NCKAP5: variants seen among roughly 807,000 people sequenced by gnomAD.
The protein encoded by NCKAP5 is NCK associated protein 5, also known as nck-associated protein 5.
In NCKAP5, 92 loss-of-function variants were observed where a neutral mutation model predicts 167.0. The ratio of observed to expected loss-of-function variants is 0.55; its 90% CI spans 0.47 to 0.66. NCKAP5 has a LOEUF of 0.66. Ranked by LOEUF, NCKAP5 falls within the 30% of genes least tolerant of loss-of-function variation. The pLI is 0.00. For synonymous variants in NCKAP5, 891 were observed against 877.4 expected (o/e 1.02, Z -0.27); for missense variants, 2,378 against 2,315.0 (o/e 1.03, Z -0.56).
At chr2:132,698,213 G>T (rs1019865827) in intron 19 of NCKAP5, among the ~76,000 whole-genome samples, 1 of 152,068 alleles carries the variant, frequency 6.6e-6, no homozygotes, top group African/African-American at 2.4e-5. Context: ...CACATTTTAG[G>T]ACCCCATCAT....
chr2:133,036,969 G>T (rs898548608), intron 6 of NCKAP5, among the ~76,000 whole-genome samples: 1 of 151,964 alleles, frequency 6.6e-6, no homozygotes, highest in African/African-American at 2.4e-5. Context: ...CAGTAAAGTT[G>T]CAGGATACAA....
intron 2 of NCKAP5, among the ~76,000 whole-genome samples, chr2:133,518,403 G>T (rs1684200089): frequency 9.2e-6 from 1 of 108,304 alleles, no homozygotes; most frequent in African/African-American, 3.2e-5. Context: ...CACCCAGGCT[G>T]GAGTACAGTG....
chr2:132,780,559 C>T lies in NCKAP5; in HGVS notation c.5049+493G>A, dbSNP rs188323051. 3.1e-3 allele frequency among the ~76,000 whole-genome samples: 467 copies of T among 152,354 alleles called. 3 individuals carry two copies. Among genetic ancestry groups the T allele is most frequent in the African/African-American group, 0.011 (445 of 41,578 alleles). On this transcript the variant is annotated intron_variant, in intron 15 of 19. Transcript: ENST00000409261. ...AAAGATTTCTTAGTCTTAATAGCCTCTGTCTAAGTTGCATGAATTGGACAT... is the reference window on the plus strand; with the variant it reads ...AAAGATTTCTTAGTCTTAATAGCCTTTGTCTAAGTTGCATGAATTGGACAT...
intron 3 of NCKAP5, among the ~76,000 whole-genome samples, chr2:133,347,048 A>G (rs1157818714): frequency 6.6e-6 from 1 of 152,244 alleles, no homozygotes; most frequent in African/African-American, 2.4e-5. Flanking sequence ...GTGAAATATA[A>G]AACAACCTTA....
chr2:133,381,028 C>T (rs549595393), intron 3 of NCKAP5, among the ~76,000 whole-genome samples: 1 of 152,266 alleles, frequency 6.6e-6, no homozygotes, highest in South Asian at 2.1e-4. Context: ...GACATTAGAG[C>T]ACAACACAGT....
intron 4 of NCKAP5, among the ~76,000 whole-genome samples, chr2:133,279,805 G>A (rs1239487861): frequency 6.6e-6 from 1 of 152,046 alleles, no homozygotes; most frequent in Non-Finnish European, 1.5e-5. Context: ...CCTGGGGCTT[G>A]GTAACAAAAC....
intron 3 of NCKAP5, among the ~76,000 whole-genome samples, chr2:133,470,119 G>C (rs1329785794): frequency 3.3e-5 from 5 of 152,102 alleles, no homozygotes. Context: ...TTTCTGTTCT[G>C]CTTTTTCCCC....
the NCKAP5 span, among the ~76,000 whole-genome samples, chr2:133,585,723 T>C: frequency 1.1e-4 from 17 of 152,234 alleles, no homozygotes; most frequent in Admixed American, 3.3e-4. Context: ...AGCAGTCCTA[T>C]GCATTATTCA....
intron 3 of NCKAP5, among the ~76,000 whole-genome samples, chr2:133,375,899 G>C (rs949238685): frequency 6.6e-6 from 1 of 152,148 alleles, no homozygotes; most frequent in African/African-American, 2.4e-5. Flanking sequence ...AATGAATACA[G>C]AAAGTCAAAA....
chr2:133,458,554 C>G (rs1691998123), intron 3 of NCKAP5, among the ~76,000 whole-genome samples: 1 of 152,144 alleles, frequency 6.6e-6, no homozygotes, highest in African/African-American at 2.4e-5. Flanking sequence ...GCACACCTAC[C>G]TTGCAAGTCC....
chr2:133,504,825 G>A (rs908593948), intron 3 of NCKAP5, among the ~76,000 whole-genome samples: 18 of 152,094 alleles, frequency 1.2e-4, no homozygotes, highest in African/African-American at 4.1e-4. Context: ...TCTATGTAGT[G>A]GAAAAATGTT....
intron 3 of NCKAP5, among the ~76,000 whole-genome samples, chr2:133,320,515 T>C (rs1681959300): frequency 6.6e-6 from 1 of 151,978 alleles, no homozygotes; most frequent in Admixed American, 6.6e-5. Flanking sequence ...GATCACGAGG[T>C]CAGGAGATCG....
intron 19 of NCKAP5, among the ~76,000 whole-genome samples, chr2:132,701,208 G>T (rs1330037620): frequency 6.6e-6 from 1 of 152,106 alleles, no homozygotes; most frequent in East Asian, 1.9e-4. Flanking sequence ...ACCGTGGAAA[G>T]ATTCTAAAGT....
At chr2:132,710,746 C>G (rs1688759693) in intron 19 of NCKAP5, among the ~76,000 whole-genome samples, 1 of 152,002 alleles carries the variant, frequency 6.6e-6, no homozygotes. Context: ...CTGTTTTAGC[C>G]CATAATTTCA....
chr2:132,774,557 G>A (rs1682384454), intron 15 of NCKAP5, among the ~76,000 whole-genome samples: 1 of 152,032 alleles, frequency 6.6e-6, no homozygotes, highest in Non-Finnish European at 1.5e-5. Flanking sequence ...GCATCAGATG[G>A]AACTCTACAC....
intron 19 of NCKAP5, among the ~76,000 whole-genome samples, chr2:132,689,972 A>G (rs1231483894): frequency 6.6e-6 from 1 of 152,168 alleles, no homozygotes; most frequent in Non-Finnish European, 1.5e-5. Context: ...GTATATGAAA[A>G]CTTGAAGTCA....
At chr2:133,229,764 G>A (rs891655756) in intron 4 of NCKAP5, among the ~76,000 whole-genome samples, 1 of 152,052 alleles carries the variant, frequency 6.6e-6, no homozygotes, top group African/African-American at 2.4e-5. Context: ...CTGGAGTTAT[G>A]ATTTTTATAT....
At chr2:133,138,176 A>AG (rs541893174) in intron 5 of NCKAP5, among the ~76,000 whole-genome samples, 8 of 152,098 alleles carry the variant, frequency 5.3e-5, no homozygotes, top group South Asian at 2.1e-4. Context: ...GAGAAAAAGA[A>AG]GGGGGGGTAC....
chr2:132,994,259 A>C lies in NCKAP5; in HGVS notation c.342-20T>G. ...TCCATCCTGAGAAACAAAAATATTAAGAATTTCTTAAAGAAGGTTTCTAAT... is the reference window on the plus strand; with the variant it reads ...TCCATCCTGAGAAACAAAAATATTACGAATTTCTTAAAGAAGGTTTCTAAT... On this transcript the variant is annotated intron_variant, in intron 6 of 19. Transcript: ENST00000409261. 1.3e-6 allele frequency: 2 copies of C among 1,526,382 alleles called. No individual in the cohort carries two copies. The highest frequency in any genetic ancestry group is 1.8e-6 in the Non-Finnish European group (2 of 1,128,156). The allele number at this position is 1,526,382 out of a possible 1,614,324, so 94.6% of individuals were successfully genotyped here.
Sources: gnomAD v4.1 joint callset for allele counts (sites outside exome capture counted in the v4.1 genomes callset) on GRCh38, gnomAD v4.1.1 for gene constraint, MANE v1.5 for transcripts, NCBI Gene and HGNC (gene_info 2026-07-23, HGNC 2026-07-21) for gene names.